NPAS3: variants seen among roughly 807,000 people sequenced by gnomAD.
NPAS3 encodes the protein neuronal PAS domain protein 3, also known as neuronal PAS domain-containing protein 3.
Under a neutral mutation model 73.1 loss-of-function variants are expected in NPAS3, and 14 were observed. That is an observed-to-expected ratio of 0.19 (90% CI 0.13 to 0.30). The LOEUF is 0.30. Among genes scored for constraint, NPAS3 ranks in the 10% least tolerant of loss-of-function variants. The pLI is 1.00. For missense variants in NPAS3, 1,096 were observed against 1,250.0 expected (o/e 0.88, Z 1.86); for synonymous variants, 620 against 541.5 (o/e 1.14, Z -2.01).
rs367700319 is a variant in NPAS3 at position 33,522,612 on chromosome 14, C to T, written c.469-37509C>T. On this transcript the variant is annotated intron_variant, in intron 4 of 11. Coordinates refer to ENST00000356141, the Ensembl canonical transcript of NPAS3. The stretch of plus-strand genomic sequence containing the variant: ...GGTGGGAAACAATACCCCCATTTTT[C>T]GGACAAAGACATTGGGGACCGGAAA... Among the ~76,000 whole-genome samples, 19 of 152,100 alleles carry T rather than the reference C, an allele frequency of 1.2e-4. 1 individual carries two copies. The East Asian group carries it at 2.5e-3, about 20-fold the overall frequency.
chr14:33,780,810 G>A (rs1453197006), intron 9 of NPAS3: 1 of 284,386 alleles, frequency 3.5e-6, no homozygotes, highest in Non-Finnish European at 7.0e-6. Flanking sequence ...TCACTATTGT[G>A]CTATTCTCCT....
At chr14:33,391,768 T>C (rs896234812) in intron 4 of NPAS3, among the ~76,000 whole-genome samples, 1 of 152,166 alleles carries the variant, frequency 6.6e-6, no homozygotes, top group Admixed American at 6.5e-5. Flanking sequence ...CTGGACACCA[T>C]GTTATTCTTC....
intron 3 of NPAS3, among the ~76,000 whole-genome samples, chr14:33,250,778 G>A (rs1159904171): frequency 6.6e-6 from 1 of 151,942 alleles, no homozygotes; most frequent in Admixed American, 6.6e-5. Flanking sequence ...AGGAATGTTT[G>A]AAGTATAGGA....
chr14:33,631,412 C>A (rs1003511698), intron 5 of NPAS3, among the ~76,000 whole-genome samples: 2 of 152,216 alleles, frequency 1.3e-5, no homozygotes, highest in African/African-American at 4.8e-5. Flanking sequence ...GGATGGTAAG[C>A]CATTCTAAAG....
At chr14:33,024,985 T>C (rs537594453) in intron 1 of NPAS3, among the ~76,000 whole-genome samples, 3 of 152,360 alleles carry the variant, frequency 2.0e-5, no homozygotes, top group African/African-American at 7.2e-5. Flanking sequence ...TTCTAAACTA[T>C]TCTTAACATA....
At chr14:33,576,123 T>A (rs535788730) in intron 5 of NPAS3, among the ~76,000 whole-genome samples, 1 of 152,284 alleles carries the variant, frequency 6.6e-6, no homozygotes, top group Non-Finnish European at 1.5e-5. Context: ...ATGAAACAAA[T>A]GCCATCCATG....
At chr14:32,985,811 GGAAATAGCTTA>G (rs2038072973) in intron 1 of NPAS3, among the ~76,000 whole-genome samples, 2 of 152,152 alleles carry the variant, frequency 1.3e-5, no homozygotes, top group Admixed American at 1.3e-4. Context: ...CATAATGCAA[GGAAATAGCTTA>G]GAAGAAGCTA....
chr14:33,354,976 C>T (rs752907773), intron 3 of NPAS3, among the ~76,000 whole-genome samples: 17 of 152,184 alleles, frequency 1.1e-4, no homozygotes, highest in Non-Finnish European at 2.5e-4. Context: ...CACACGTGCT[C>T]ATGTCCCTCT....
intron 4 of NPAS3, among the ~76,000 whole-genome samples, chr14:33,514,694 C>G (rs992007398): frequency 1.2e-4 from 18 of 151,994 alleles, no homozygotes; most frequent in Admixed American, 6.6e-4. Flanking sequence ...TCGTACTGTA[C>G]CTTATCCTAA....
chr14:33,563,625 T>C (rs998093565), intron 5 of NPAS3, among the ~76,000 whole-genome samples: 2 of 152,068 alleles, frequency 1.3e-5, no homozygotes. Flanking sequence ...TATAGAAGTA[T>C]GCACTGTTGA....
chr14:33,803,952 A>C (rs2063775212), downstream of NPAS3: 4 of 152,210 alleles, frequency 2.6e-5, no homozygotes. Context: ...TGTGAAGCTA[A>C]CCGGACCTAA....
At chr14:33,158,084 C>T (rs2044712721) in intron 2 of NPAS3, among the ~76,000 whole-genome samples, 2 of 152,144 alleles carry the variant, frequency 1.3e-5, no homozygotes, top group Admixed American at 1.3e-4. Flanking sequence ...TAAAATTTCA[C>T]AGTTACATTT....
chr14:33,556,581 T>G (rs1414343773), intron 4 of NPAS3, among the ~76,000 whole-genome samples: 3 of 152,226 alleles, frequency 2.0e-5, no homozygotes, highest in Admixed American at 6.5e-5. Flanking sequence ...GCCTCACTGT[T>G]GAGAAATTCA....
At chr14:33,461,644 C>A (rs1046890883) in intron 4 of NPAS3, among the ~76,000 whole-genome samples, 30 of 152,172 alleles carry the variant, frequency 2.0e-4, no homozygotes, top group African/African-American at 6.8e-4. Flanking sequence ...TAAGCAGAAC[C>A]ACTGCCATGT....
intron 4 of NPAS3, among the ~76,000 whole-genome samples, chr14:33,541,426 C>T (rs986806483): frequency 6.6e-6 from 1 of 152,162 alleles, no homozygotes; most frequent in Non-Finnish European, 1.5e-5. Flanking sequence ...TTGGCAAGAG[C>T]AGTTGATGCA....
At chr14:33,602,422 T>C (rs2057427208) in intron 5 of NPAS3, among the ~76,000 whole-genome samples, 1 of 152,124 alleles carries the variant, frequency 6.6e-6, no homozygotes, top group African/African-American at 2.4e-5. Flanking sequence ...TCTGAGTGCT[T>C]CTGTGCACTG....
intron 1 of NPAS3, among the ~76,000 whole-genome samples, chr14:32,950,193 A>C (rs2036426675): frequency 6.6e-6 from 1 of 152,050 alleles, no homozygotes. Flanking sequence ...GGTAGTTCTG[A>C]AAATTAATGA....
intron 3 of NPAS3, among the ~76,000 whole-genome samples, chr14:33,263,547 G>A (rs1403325770): frequency 2.6e-5 from 4 of 152,150 alleles, no homozygotes; most frequent in Non-Finnish European, 4.4e-5. Flanking sequence ...TTGAAGTCAG[G>A]TAGCGTGATG....
chr14:33,224,854 A>C (rs1000918394), intron 3 of NPAS3, among the ~76,000 whole-genome samples: 2 of 152,194 alleles, frequency 1.3e-5, no homozygotes, highest in African/African-American at 4.8e-5. Flanking sequence ...GAATAATTTT[A>C]AGAAGGCATT....
Sources: allele counts gnomAD v4.1 joint callset (sites outside exome capture counted in the v4.1 genomes callset), GRCh38; gene constraint gnomAD v4.1.1; transcripts MANE v1.5; gene names NCBI Gene and HGNC (gene_info 2026-07-23, HGNC 2026-07-21).